ADAMTS12: variants seen among roughly 807,000 people sequenced by gnomAD.
The protein encoded by ADAMTS12 is A disintegrin and metalloproteinase with thrombospondin motifs 12.
In ADAMTS12, 118 loss-of-function variants were observed where a neutral mutation model predicts 167.8. The ratio of observed to expected loss-of-function variants is 0.70; its 90% CI spans 0.61 to 0.82. ADAMTS12 has a LOEUF of 0.82. Ranked by LOEUF, ADAMTS12 falls within the 40% of genes least tolerant of loss-of-function variation. The pLI, the probability that ADAMTS12 is intolerant of heterozygous loss-of-function variation, is 0.00. For synonymous variants in ADAMTS12, 704 were observed against 716.9 expected (o/e 0.98, Z 0.29); for missense variants, 1,916 against 1,998.8 (o/e 0.96, Z 0.79).
intron 1 of ADAMTS12, among the ~76,000 whole-genome samples, chr5:33,890,691 G>A (rs1750811015): frequency 6.6e-6 from 1 of 152,170 alleles, no homozygotes; most frequent in Non-Finnish European, 1.5e-5. Flanking sequence ...CTGTGTGCGT[G>A]TGCATGCGTG....
At chr5:33,724,238 G>A (rs1037524764) in intron 3 of ADAMTS12, among the ~76,000 whole-genome samples, 3 of 152,154 alleles carry the variant, frequency 2.0e-5, no homozygotes, top group Non-Finnish European at 2.9e-5. Context: ...AATCTGATGT[G>A]GAGGCCCAAC....
At chr5:33,533,757 A>C (rs1744236195) in intron 23 of ADAMTS12, among the ~76,000 whole-genome samples, 1 of 152,146 alleles carries the variant, frequency 6.6e-6, no homozygotes. Context: ...CCTGTAGAGC[A>C]AACCAATCAC....
At chr5:33,664,954 T>C (rs181974266) in intron 5 of ADAMTS12, among the ~76,000 whole-genome samples, 1 of 152,196 alleles carries the variant, frequency 6.6e-6, no homozygotes, top group Admixed American at 6.5e-5. Context: ...TATTCCATTA[T>C]ATATATATGG....
intron 2 of ADAMTS12, among the ~76,000 whole-genome samples, chr5:33,805,505 C>A (rs557293959): frequency 2.0e-5 from 3 of 152,286 alleles, no homozygotes; most frequent in African/African-American, 7.2e-5. Context: ...AGCAATTGAT[C>A]ACATTAGGAG....
intron 1 of ADAMTS12, among the ~76,000 whole-genome samples, chr5:33,885,881 G>A (rs1396734575): frequency 2.0e-5 from 3 of 152,226 alleles, no homozygotes; most frequent in Non-Finnish European, 4.4e-5. Context: ...AGAAAAAGCA[G>A]GCCAGGGTGG....
chr5:33,569,737 C>A lies in ADAMTS12; in HGVS notation c.3972+6317G>T, dbSNP rs1344630234. Reference sequence around the variant, plus strand: ...GTTCCTCACCAGCAATGGAACAAAGCTGGATGGAGAATGATTTTGATGAGT... The same window carrying A: ...GTTCCTCACCAGCAATGGAACAAAGATGGATGGAGAATGATTTTGATGAGT... On this transcript the variant is annotated intron_variant, in intron 19 of 23. Transcript: ENST00000504830. 2.0e-5 allele frequency among the ~76,000 whole-genome samples: 3 copies of A among 152,210 alleles called. No individual in the cohort carries two copies. In the East Asian group the frequency reaches 5.8e-4, roughly 29 times the overall value.
At chr5:33,575,128 C>G (rs567862647) in intron 19 of ADAMTS12, among the ~76,000 whole-genome samples, 53 of 152,160 alleles carry the variant, frequency 3.5e-4, no homozygotes, top group Admixed American at 7.9e-4. Flanking sequence ...TCTTCTTCCT[C>G]TATATTCTAA....
rs1400670889 is a variant in ADAMTS12, at chr5:33,526,923, C to A, written c.*265G>T. The A allele has an allele frequency of 2.3e-6, 1 of 441,428 alleles. No individual in the cohort carries two copies. The highest frequency in any genetic ancestry group is 3.8e-5 in the South Asian group (1 of 26,500). 27.3% of individuals were successfully genotyped at this position (441,428 alleles called of 1,614,324 possible). A position where few individuals can be genotyped will look rare whatever the true frequency, so the allele number is the denominator to read the frequency against. The stretch of plus-strand genomic sequence containing the variant: ...TATTTCACAAATCTGTCTAACCTGG[C>A]ACCTTTCCCAGGAGCCGATACCAGG... On this transcript the variant is annotated 3_prime_UTR_variant, in exon 24 of 24. Coordinates refer to ENST00000504830, the MANE Select transcript of ADAMTS12 (RefSeq NM_030955.4).
At chr5:33,631,817 T>G (rs1296950571) in intron 12 of ADAMTS12, among the ~76,000 whole-genome samples, 1 of 152,176 alleles carries the variant, frequency 6.6e-6, no homozygotes, top group East Asian at 1.9e-4. Flanking sequence ...GGCAGGGATT[T>G]TGGGGTCTCT....
intron 18 of ADAMTS12, among the ~76,000 whole-genome samples, chr5:33,584,012 A>C (rs1404122775): frequency 1.3e-5 from 2 of 152,202 alleles, no homozygotes; most frequent in African/African-American, 2.4e-5. Flanking sequence ...TCATATTGCT[A>C]CACTTTGCAG....
At chr5:33,826,343 T>C (rs1316168062) in intron 2 of ADAMTS12, among the ~76,000 whole-genome samples, 1 of 151,840 alleles carries the variant, frequency 6.6e-6, no homozygotes, top group Non-Finnish European at 1.5e-5. Flanking sequence ...GCTGCCCACC[T>C]AACTCACCCA....
chr5:33,583,347 T>TA (rs755261091), intron 18 of ADAMTS12, among the ~76,000 whole-genome samples: 2 of 152,216 alleles, frequency 1.3e-5, no homozygotes, highest in Non-Finnish European at 2.9e-5. Context: ...GGCTGAATAG[T>TA]ACTCCACCAT....
intron 1 of ADAMTS12, among the ~76,000 whole-genome samples, chr5:33,881,763 A>T (rs1216310640): frequency 1.4e-5 from 2 of 145,336 alleles, no homozygotes; most frequent in African/African-American, 5.2e-5. Flanking sequence ...TAGTAGAGAC[A>T]GGATTTCTCC....
In ADAMTS12 at chr5:33,891,762, G is replaced by A. The variant is rs754395994; in HGVS notation, c.95C>T (p.Pro32Leu). The change falls in exon 1 of 24, where the codon CCA (proline) becomes CTA (leucine). Residue 32 changes from proline (P) to leucine (L), a missense_variant. Transcript: ENST00000504830. ...CCTGTCCGGGAAGCGAACCGGGCCTGGCTGAGGCTGTCTCCCATAGCAAAG... is the reference window on the plus strand; with the variant it reads ...CCTGTCCGGGAAGCGAACCGGGCCTAGCTGAGGCTGTCTCCCATAGCAAAG... ...GALCYGRQPQ[P>L]GPVRFPDRRQ... 1 of 1,614,232 alleles carries A rather than the reference G, an allele frequency of 6.2e-7. No homozygotes were observed. The highest frequency in any genetic ancestry group is 2.2e-5 in the East Asian group (1 of 44,890).
At chr5:33,572,127 G>A (rs1746387174) in intron 19 of ADAMTS12, among the ~76,000 whole-genome samples, 1 of 152,204 alleles carries the variant, frequency 6.6e-6, no homozygotes, top group Admixed American at 6.5e-5. Context: ...ACCAAAAAGA[G>A]TCCAGGACCA....
intron 3 of ADAMTS12, among the ~76,000 whole-genome samples, chr5:33,746,926 AAC>A (rs1235179195): frequency 6.6e-6 from 1 of 152,178 alleles, no homozygotes; most frequent in Non-Finnish European, 1.5e-5. Flanking sequence ...CAAGAGTTCT[AAC>A]CTGCCCTTTT....
intron 18 of ADAMTS12, among the ~76,000 whole-genome samples, chr5:33,577,806 G>A (rs945391638): frequency 3.9e-5 from 6 of 152,214 alleles, no homozygotes; most frequent in East Asian, 1.9e-4. Context: ...CAAGGAGTTC[G>A]GTCAATCCCT....
At chr5:33,564,799 TAACA>T (rs1217357583) in intron 19 of ADAMTS12, among the ~76,000 whole-genome samples, 7 of 152,204 alleles carry the variant, frequency 4.6e-5, no homozygotes, top group Admixed American at 4.6e-4. Flanking sequence ...CACATTGTTG[TAACA>T]AACAAAAGCA....
chr5:33,726,865 C>A (rs1223079167), intron 3 of ADAMTS12, among the ~76,000 whole-genome samples: 1 of 151,106 alleles, frequency 6.6e-6, no homozygotes, highest in Non-Finnish European at 1.5e-5. Flanking sequence ...TTATAAAGTG[C>A]CCTCACTCTG....
Sources: gnomAD v4.1 joint callset for allele counts (sites outside exome capture counted in the v4.1 genomes callset) on GRCh38, gnomAD v4.1.1 for gene constraint, MANE v1.5 for transcripts, NCBI Gene and HGNC (gene_info 2026-07-23, HGNC 2026-07-21) for gene names.